Variants in EGFLAM observed in about 807,000 individuals in gnomAD.
EGFLAM encodes pikachurin.
In EGFLAM, 79 loss-of-function variants were observed where a neutral mutation model predicts 113.1. That is an observed-to-expected ratio of 0.70 (90% CI 0.58 to 0.84). The LOEUF (loss-of-function observed/expected upper bound fraction) is 0.84, where lower values mean the gene tolerates loss of function less well. Among genes scored for constraint, EGFLAM ranks in the 40% least tolerant of loss-of-function variants. The pLI is 0.00. For missense variants in EGFLAM, 1,265 were observed against 1,291.6 expected, an observed-to-expected ratio of 0.98 and a Z score of 0.32; for synonymous variants, 504 against 487.6, an observed-to-expected ratio of 1.03 and a Z score of -0.44.
intron 1 of EGFLAM, among the ~76,000 whole-genome samples, chr5:38,302,466 C>T (rs1561269872): frequency 6.6e-6 from 1 of 152,056 alleles, no homozygotes; most frequent in East Asian, 1.9e-4. Context: ...ATAATAATGA[C>T]TACCTCATAA....
chr5:38,370,448 T>A lies in EGFLAM; in HGVS notation c.698T>A (p.Ile233Asn). The part of the protein sequence containing the change: ...GPSPRSWPSD[I>N]IRTLCPEEAG... ...AGCCCCCGCAGCTGGCCCAGTGACATCATCCGGACCCTCTGTGAGTACCAG... is the reference window on the plus strand; with the variant it reads ...AGCCCCCGCAGCTGGCCCAGTGACAACATCCGGACCCTCTGTGAGTACCAG... Residue 233 changes from isoleucine (I) to asparagine (N), a missense_variant, in exon 6 of 22, where the codon ATC (isoleucine) becomes AAC (asparagine). By Grantham distance (149) the Ile-to-Asn change is moderately radical (BLOSUM62 -3). Transcript: ENST00000322350. The A allele has an allele frequency of 3.1e-6, 5 of 1,614,042 alleles. No individual in the cohort carries two copies. The highest frequency in any genetic ancestry group is 4.2e-6 in the Non-Finnish European group (5 of 1,179,994).
chr5:38,332,900 G>T (rs1739083015), intron 1 of EGFLAM, among the ~76,000 whole-genome samples: 1 of 152,188 alleles, frequency 6.6e-6, no homozygotes, highest in Non-Finnish European at 1.5e-5. Context: ...ACATGTCACA[G>T]TGCTACAGAG....
At chr5:38,446,694 A>C (rs1742725051) in intron 17 of EGFLAM, among the ~76,000 whole-genome samples, 1 of 152,122 alleles carries the variant, frequency 6.6e-6, no homozygotes, top group South Asian at 2.1e-4. Flanking sequence ...GTTACCTCCA[A>C]AATTGTCTTT....
chr5:38,421,713 A>T (rs1741828969), intron 12 of EGFLAM, among the ~76,000 whole-genome samples: 1 of 152,158 alleles, frequency 6.6e-6, no homozygotes, highest in Admixed American at 6.5e-5. Flanking sequence ...TGCAGTGGTG[A>T]TGTTTAATAG....
intron 3 of EGFLAM, among the ~76,000 whole-genome samples, chr5:38,339,012 G>A (rs1334145641): frequency 6.6e-6 from 1 of 152,126 alleles, no homozygotes; most frequent in African/African-American, 2.4e-5. Flanking sequence ...TTCCATCCTG[G>A]ACTCAACCCC....
intron 1 of EGFLAM, among the ~76,000 whole-genome samples, chr5:38,266,402 A>T (rs1447051697): frequency 1.3e-5 from 2 of 152,230 alleles, no homozygotes; most frequent in Non-Finnish European, 2.9e-5. Context: ...AAGATCCAAT[A>T]CAGTAATGCA....
intron 19 of EGFLAM, among the ~76,000 whole-genome samples, chr5:38,457,442 C>G (rs1743125627): frequency 6.6e-6 from 1 of 152,118 alleles, no homozygotes; most frequent in Non-Finnish European, 1.5e-5. Context: ...GGCTGGCAGC[C>G]CTTGGCATTC....
At chr5:38,398,380 G>T (rs1466791713) in intron 6 of EGFLAM, among the ~76,000 whole-genome samples, 1 of 152,124 alleles carries the variant, frequency 6.6e-6, no homozygotes, top group Non-Finnish European at 1.5e-5. Flanking sequence ...TTTACAGTCT[G>T]GTGGGAGAAT....
intron 6 of EGFLAM, among the ~76,000 whole-genome samples, chr5:38,401,488 G>T (rs541372677): frequency 2.0e-5 from 3 of 152,144 alleles, no homozygotes; most frequent in Non-Finnish European, 2.9e-5. Context: ...ACAAGATTGG[G>T]CTGGATGGTG....
intron 1 of EGFLAM, among the ~76,000 whole-genome samples, chr5:38,324,474 T>A: frequency 6.6e-6 from 1 of 152,194 alleles, no homozygotes; most frequent in Non-Finnish European, 1.5e-5. Context: ...GGTCCTGCCC[T>A]GCCCTCAAGG....
At chr5:38,434,874 A>G (rs1742294911) in intron 15 of EGFLAM, among the ~76,000 whole-genome samples, 1 of 152,220 alleles carries the variant, frequency 6.6e-6, no homozygotes, top group Non-Finnish European at 1.5e-5. Context: ...TGACATAGCT[A>G]TGAGGTAGAT....
chr5:38,436,172 A>G (rs1304665621), intron 16 of EGFLAM, among the ~76,000 whole-genome samples: 1 of 152,098 alleles, frequency 6.6e-6, no homozygotes, highest in Non-Finnish European at 1.5e-5. Flanking sequence ...TTATGAAGTC[A>G]TGCTCTGTCT....
chr5:38,393,574 G>C (rs1317394658), intron 6 of EGFLAM, among the ~76,000 whole-genome samples: 1 of 152,192 alleles, frequency 6.6e-6, no homozygotes, highest in East Asian at 1.9e-4. Flanking sequence ...TAATAAAACA[G>C]TAATGATGAG....
intron 1 of EGFLAM, among the ~76,000 whole-genome samples, chr5:38,305,861 C>T (rs977712166): frequency 6.6e-6 from 1 of 152,208 alleles, no homozygotes; most frequent in African/African-American, 2.4e-5. Flanking sequence ...GGCAGTAGGA[C>T]AGACATTCAT....
intron 15 of EGFLAM, among the ~76,000 whole-genome samples, chr5:38,434,287 C>A (rs1742276273): frequency 6.6e-6 from 1 of 152,192 alleles, no homozygotes; most frequent in Non-Finnish European, 1.5e-5. Flanking sequence ...ACTCCCGTGT[C>A]CGGCACCCAG....
chr5:38,377,371 T>G (rs1740394568), intron 6 of EGFLAM, among the ~76,000 whole-genome samples: 1 of 152,132 alleles, frequency 6.6e-6, no homozygotes, highest in African/African-American at 2.4e-5. Context: ...CTGGAGCTCC[T>G]GACCTCAGGT....
At chr5:38,448,215 A>T (rs1742784524) in intron 17 of EGFLAM, 86 bp from the exon 18 acceptor site, 12 of 1,357,056 alleles carry the variant, frequency 8.8e-6, no homozygotes, top group Admixed American at 1.7e-5. Flanking sequence ...TATTTCCAGG[A>T]GCTGGGTGTT....
chr5:38,323,644 T>A (rs1199738150), intron 1 of EGFLAM, among the ~76,000 whole-genome samples: 1 of 152,212 alleles, frequency 6.6e-6, no homozygotes, highest in Non-Finnish European at 1.5e-5. Context: ...AGTGGCCTAC[T>A]ACTTAGATTT....
intron 6 of EGFLAM, among the ~76,000 whole-genome samples, chr5:38,393,173 T>C (rs1258368661): frequency 6.6e-6 from 1 of 152,246 alleles, no homozygotes; most frequent in Non-Finnish European, 1.5e-5. Flanking sequence ...TTAGATTGTA[T>C]TTATAAACTA....
Sources: gnomAD v4.1 joint callset for allele counts (sites outside exome capture counted in the v4.1 genomes callset) on GRCh38, gnomAD v4.1.1 for gene constraint, MANE v1.5 for transcripts, NCBI Gene and HGNC (gene_info 2026-07-23, HGNC 2026-07-21) for gene names.